SND1: variants seen among roughly 807,000 people sequenced by gnomAD.
The protein encoded by SND1 is staphylococcal nuclease and tudor domain containing 1, also known as staphylococcal nuclease domain-containing protein 1.
SND1 carries 38 observed loss-of-function variants against 121.7 expected under a neutral mutation model. The ratio of observed to expected loss-of-function variants is 0.31; its 90% CI spans 0.24 to 0.41. The LOEUF (loss-of-function observed/expected upper bound fraction) is 0.41, where lower values mean the gene tolerates loss of function less well. SND1 is among the 10% of genes least tolerant of loss of function. The probability of loss-of-function intolerance (pLI) is 1.00; values close to 1 mark genes in which losing one functional copy is unlikely to be tolerated. For missense variants in SND1, 868 were observed against 1,184.6 expected, an observed-to-expected ratio of 0.73 and a Z score of 3.92; for synonymous variants, 401 against 447.4, an observed-to-expected ratio of 0.90 and a Z score of 1.31.
At chr7:127,840,557 C>T (rs1015650600) in intron 11 of SND1, among the ~76,000 whole-genome samples, 3 of 152,166 alleles carry the variant, frequency 2.0e-5, no homozygotes, top group African/African-American at 7.2e-5. Context: ...ACATACTTAC[C>T]CACAAACACA....
chr7:127,686,475 T>C (rs1418678719), intron 1 of SND1, 138 bp from the exon 2 acceptor site: 1 of 846,862 alleles, frequency 1.2e-6, no homozygotes, highest in East Asian at 2.8e-5. Context: ...CCTGTTTATT[T>C]AGTCATTCAA....
chr7:127,665,535 C>T (rs957115066), intron 1 of SND1, among the ~76,000 whole-genome samples: 3 of 152,014 alleles, frequency 2.0e-5, no homozygotes, highest in Admixed American at 6.6e-5. Context: ...CTAAAGGCAA[C>T]TTAAATTTCA....
intron 16 of SND1, chr7:128,028,594 GAA>G (rs1303095039): frequency 1.0e-5 from 13 of 1,294,842 alleles, no homozygotes; most frequent in African/African-American, 1.5e-5. Flanking sequence ...GCATATACAA[GAA>G]AAAGTCTCTC....
intron 15 of SND1, among the ~76,000 whole-genome samples, chr7:127,951,970 T>G (rs191662458): frequency 2.0e-5 from 3 of 152,252 alleles, no homozygotes; most frequent in South Asian, 4.1e-4. Flanking sequence ...CACTTCTCAG[T>G]TTTAATACCA....
chr7:128,049,356 C>G (rs1199844933), intron 16 of SND1, among the ~76,000 whole-genome samples: 1 of 152,142 alleles, frequency 6.6e-6, no homozygotes, highest in African/African-American at 2.4e-5. Flanking sequence ...CCCTCTCCTT[C>G]CTGTCCTCTC....
At position 127,961,064 on chromosome 7, in the gene SND1, G is replaced by A. The variant is rs77338880; in HGVS notation, c.1670-29883G>A. On this transcript the variant is annotated intron_variant, in intron 15 of 23. Coordinates refer to ENST00000354725, the MANE Select transcript of SND1 (RefSeq NM_014390.4). ...AGCTTTCCTTCTTCCTGCCAAGAGA[G>A]GGCATTAATTAAATACAGCCCTATC... is the stretch of plus-strand genomic sequence containing the variant. Among the ~76,000 whole-genome samples the A allele has an allele frequency of 4.6e-3, 707 of 152,296 alleles. 7 individuals carry two copies. Among genetic ancestry groups the A allele is most frequent in the African/African-American group, 0.016 (665 of 41,562 alleles).
chr7:128,003,439 CGA>C (rs1398866169), intron 16 of SND1, among the ~76,000 whole-genome samples: 1 of 152,042 alleles, frequency 6.6e-6, no homozygotes, highest in African/African-American at 2.4e-5. Flanking sequence ...TTGATGCAGT[CGA>C]ATTCTTTTTA....
chr7:127,966,161 G>A (rs1405177707), intron 15 of SND1, among the ~76,000 whole-genome samples: 1 of 149,074 alleles, frequency 6.7e-6, no homozygotes, highest in African/African-American at 2.5e-5. Context: ...TTCTTTATTA[G>A]TCTTGCTAGC....
chr7:127,857,359 ATTTTTTTTTTTTT>A (rs34235946), intron 12 of SND1, among the ~76,000 whole-genome samples: 1 of 113,154 alleles, frequency 8.8e-6, no homozygotes, highest in Non-Finnish European at 1.8e-5. Context: ...CCCCCGGCTA[ATTTTTTTTTTTTT>A]TTTTTTTTTT....
intron 12 of SND1, among the ~76,000 whole-genome samples, chr7:127,862,604 A>AT (rs1379630296): frequency 6.6e-6 from 1 of 152,250 alleles, no homozygotes; most frequent in Non-Finnish European, 1.5e-5. Context: ...GTTTTTAATG[A>AT]TTCCTTCATT....
intron 10 of SND1, among the ~76,000 whole-genome samples, chr7:127,741,998 C>T (rs141868994): frequency 3.3e-5 from 5 of 152,232 alleles, no homozygotes; most frequent in African/African-American, 4.8e-5. Flanking sequence ...TTTCTGGTAA[C>T]CGAGCATTAA....
chr7:127,654,515 G>T (rs1391680235), intron 1 of SND1, among the ~76,000 whole-genome samples: 7 of 152,170 alleles, frequency 4.6e-5, no homozygotes, highest in African/African-American at 1.4e-4. Flanking sequence ...GGAGGGTGGG[G>T]CCAGTGATGC....
At chr7:127,941,889 G>GTTTT (rs34389081) in intron 15 of SND1, among the ~76,000 whole-genome samples, 135 of 100,232 alleles carry the variant, frequency 1.3e-3, no homozygotes, top group Non-Finnish European at 2.3e-3. Context: ...TTGATAGGGA[G>GTTTT]TTTTTTTTTT....
intron 15 of SND1, among the ~76,000 whole-genome samples, chr7:127,990,003 A>C (rs1326115159): frequency 6.6e-6 from 1 of 152,166 alleles, no homozygotes; most frequent in Non-Finnish European, 1.5e-5. Context: ...ACAAAAAAAG[A>C]GTATGAAGGA....
At chr7:127,744,774 T>G (rs1386761378) in intron 10 of SND1, among the ~76,000 whole-genome samples, 1 of 151,872 alleles carries the variant, frequency 6.6e-6, no homozygotes, top group East Asian at 1.9e-4. Flanking sequence ...TTTGGAGGAG[T>G]GCAAATAGAG....
intron 11 of SND1, among the ~76,000 whole-genome samples, chr7:127,828,792 GA>G (rs1798688089): frequency 6.6e-6 from 1 of 152,172 alleles, no homozygotes; most frequent in African/African-American, 2.4e-5. Context: ...TTGAGGTATT[GA>G]CTTATCTCCT....
At chr7:127,924,951 C>G (rs545161427) in intron 14 of SND1, among the ~76,000 whole-genome samples, 18 of 152,266 alleles carry the variant, frequency 1.2e-4, no homozygotes, top group African/African-American at 4.3e-4. Flanking sequence ...CTTTGCTTCT[C>G]TGCTTCTCTC....
At chr7:127,924,314 G>A (rs1463964407) in intron 14 of SND1, among the ~76,000 whole-genome samples, 3 of 152,178 alleles carry the variant, frequency 2.0e-5, no homozygotes, top group African/African-American at 4.8e-5. Context: ...ATCAAAGATT[G>A]TGATGATGAG....
chr7:128,013,900 TAG>T (rs373755986), intron 16 of SND1, among the ~76,000 whole-genome samples: 18 of 152,342 alleles, frequency 1.2e-4, no homozygotes, highest in African/African-American at 3.8e-4. Flanking sequence ...TGGTAATGGC[TAG>T]AGAGAAATAA....
Sources: gnomAD v4.1 joint callset for allele counts (sites outside exome capture counted in the v4.1 genomes callset) on GRCh38, gnomAD v4.1.1 for gene constraint, MANE v1.5 for transcripts, NCBI Gene and HGNC (gene_info 2026-07-23, HGNC 2026-07-21) for gene names.